The following TSC2 variants were observed in gnomAD, a reference collection of about 807,000 sequenced individuals.
TSC2 encodes tuberin.
TSC2 carries 29 observed loss-of-function variants against 202.2 expected under a neutral mutation model. The ratio of observed to expected loss-of-function variants is 0.14; its 90% CI spans 0.11 to 0.20. The LOEUF (loss-of-function observed/expected upper bound fraction) is 0.20. Ranked by LOEUF, TSC2 falls within the 10% of genes least tolerant of loss-of-function variation. The probability of loss-of-function intolerance (pLI) is 1.00; values close to 1 mark genes in which losing one functional copy is unlikely to be tolerated. For synonymous variants in TSC2, 1,349 were observed against 1,044.0 expected (o/e 1.29, Z -5.63); for missense variants, 2,429 against 2,420.0 (o/e 1.00, Z -0.08).
chr16:2,088,407 G>C, intron 41 of TSC2, 39 bp from the exon 42 acceptor site: 1 of 1,612,506 alleles, frequency 6.2e-7, no homozygotes, highest in South Asian at 1.1e-5. Flanking sequence ...CGGTTGCCAC[G>C]CCTCCCAGAC....
At chr16:2,076,239 T>C in intron 24 of TSC2, 69 bp downstream of exon 24, 4 of 1,604,220 alleles carry the variant, frequency 2.5e-6, no homozygotes, top group Non-Finnish European at 3.4e-6. Flanking sequence ...TGGCTGTCCA[T>C]GGTCGGGCAG....
intron 32 of TSC2, chr16:2,083,396 T>C: frequency 1.8e-6 from 1 of 547,326 alleles, no homozygotes. Context: ...GCGGAGAGCG[T>C]CTTGCCCCTG....
rs201329593 is a variant in TSC2 at position 2,088,350 on chromosome 16, C to T, written c.5259+25C>T. The T allele has an allele frequency of 2.1e-4, 331 of 1,612,366 alleles. No individual in the cohort carries two copies. The highest frequency in any genetic ancestry group is 9.8e-4 in the East Asian group (44 of 44,876). On this transcript the variant is annotated intron_variant, in intron 41 of 41. Transcript: ENST00000219476. ...GGTAGGGAATATGGGGCTCCCTCAG[C>T]GGGGTGTGCTGGCTGCCCAAGCTGT... is the stretch of plus-strand genomic sequence containing the variant.
Position 2,070,428 on chromosome 16 carries a change from C to T in TSC2, c.1717-28C>T, listed in dbSNP as rs45517195. Reference sequence around the variant, plus strand: ...AGGACTGCGTTTTCACCTCCTGCGCCGTGGTGAGCTGCGTCCTCTCTCTGC... The same window carrying T: ...AGGACTGCGTTTTCACCTCCTGCGCTGTGGTGAGCTGCGTCCTCTCTCTGC... On this transcript the variant is annotated intron_variant, in intron 16 of 41. Coordinates refer to ENST00000219476, the MANE Select transcript of TSC2 (RefSeq NM_000548.5). The T allele has an allele frequency of 1.3e-4, 205 of 1,613,264 alleles. No individual in the cohort carries two copies. The highest frequency in any genetic ancestry group is 1.2e-3 in the East Asian group (53 of 44,886).
rs2089586253 is a variant in TSC2, at chr16:2,077,649, G to A, written c.2889G>A (p.Val963=). 1 of 1,613,034 alleles carries A rather than the reference G, an allele frequency of 6.2e-7. No individual in the cohort carries two copies. The highest frequency in any genetic ancestry group is 8.5e-7 in the Non-Finnish European group (1 of 1,180,034). Residue 963 remains valine, a synonymous_variant, in exon 26 of 42, where the codon GTG becomes GTA. Transcript: ENST00000219476. ...PKQGLNNSPP[V]KEFKESSAAE... ...AAGGCTTGAATAACTCTCCACCCGT[G>A]AAAGAATTCAAGGAGAGCTCTGCAG...
intron 30 of TSC2, chr16:2,080,647 C>T: frequency 2.1e-6 from 1 of 465,858 alleles, no homozygotes; most frequent in South Asian, 2.2e-5. Flanking sequence ...CCACGCCTGG[C>T]CAATTTTTTT....
intron 16 of TSC2, 145 bp from the exon 17 acceptor site, chr16:2,070,311 C>T (rs1014771390): frequency 7.2e-7 from 1 of 1,395,744 alleles, no homozygotes; most frequent in Non-Finnish European, 9.9e-7. Flanking sequence ...AGAGAGAGTC[C>T]TGGTGGTCCT....
At chr16:2,072,021 G>A (rs2151311680) in intron 19 of TSC2, 87 bp downstream of exon 19, 1 of 1,494,812 alleles carries the variant, frequency 6.7e-7, no homozygotes, top group Non-Finnish European at 8.9e-7. Context: ...CTCCCTCCCT[G>A]TCTGGCCTGT....
intron 29 of TSC2, 54 bp from the exon 30 acceptor site, chr16:2,080,111 G>C: frequency 6.2e-7 from 1 of 1,605,860 alleles, no homozygotes; most frequent in Non-Finnish European, 8.5e-7. Context: ...GCTTGAGGCT[G>C]GTGGTTTTGC....
chr16:2,083,528 C>T, intron 32 of TSC2, 167 bp from the exon 33 acceptor site: 1 of 1,230,354 alleles, frequency 8.1e-7, no homozygotes, highest in East Asian at 2.5e-5. Context: ...CAGGCCTTCC[C>T]AGCGTCCTCC....
At chr16:2,082,733 C>G in intron 32 of TSC2, 1 of 611,714 alleles carries the variant, frequency 1.6e-6, no homozygotes. Context: ...GCTGTGCGAG[C>G]ACTCCCGGCC....
At position 2,084,954 on chromosome 16, in the gene TSC2, C is replaced by A; in HGVS notation, c.4497C>A (p.Phe1499Leu). 6.2e-7 allele frequency: 1 copy of A among 1,613,314 alleles called. No individual in the cohort carries two copies. The highest frequency in any genetic ancestry group is 8.5e-7 in the Non-Finnish European group (1 of 1,179,968). The change falls in exon 35 of 42, where the codon TTC (phenylalanine) becomes TTA (leucine). Residue 1499 changes from phenylalanine (F) to leucine (L), a missense_variant. Coordinates refer to ENST00000219476, the MANE Select transcript of TSC2 (RefSeq NM_000548.5). ...AEKVPGINPSFVFLQLYHSPF... is the reference protein window; with the variant it reads ...AEKVPGINPSLVFLQLYHSPF... ...CCACCATCCCCTCCCTGTGCAGTTT[C>A]GTGTTCCTGCAGCTCTACCATTCCC... is the stretch of plus-strand genomic sequence containing the variant.
rs910068556 is a variant in TSC2, at chr16:2,070,513, A to G, written c.1774A>G (p.Ser592Gly). The G allele has an allele frequency of 5.6e-6, 9 of 1,613,278 alleles. No individual in the cohort carries two copies. The highest frequency in any genetic ancestry group is 6.8e-6 in the Non-Finnish European group (8 of 1,180,040). Residue 592 changes from serine (S) to glycine (G), a missense_variant, in exon 17 of 42, where the codon AGC becomes GGC. Transcript: ENST00000219476. ...CACGCGTGTGTATGAGATGCTGGTC[A>G]GCCACATTCAGCTCCACTACAAGCA... is the stretch of plus-strand genomic sequence containing the variant. ...HATRVYEMLV[S>G]HIQLHYKHSY...
chr16:2,088,890 C>CCG lies in TSC2; in HGVS notation c.*280_*281insCG. On this transcript the variant is annotated 3_prime_UTR_variant, in exon 42 of 42. Transcript: ENST00000219476. Reference sequence around the variant, plus strand: ...TCGCGCGTGCGCGCGCGCACACACACACACACACAGTCACCTTCCTCCACC... The same window carrying CCG: ...TCGCGCGTGCGCGCGCGCACACACACCGACACACACAGTCACCTTCCTCCACC... The CCG allele has an allele frequency of 6.6e-6, 3 of 454,012 alleles. No individual in the cohort carries two copies. The highest frequency in any genetic ancestry group is 2.3e-5 in the South Asian group (1 of 43,688). The allele number at this position is 454,012 out of a possible 1,614,324, so 28.1% of individuals were successfully genotyped here.
At chr16:2,084,028 T>A (rs2090457191) in intron 33 of TSC2, among the ~76,000 whole-genome samples, 200 bp from the exon 34 acceptor site, 2 of 152,232 alleles carry the variant, frequency 1.3e-5, no homozygotes, top group South Asian at 4.1e-4. Flanking sequence ...CAGGGGATGC[T>A]GATACCTCTG....
At chr16:2,081,233 A>G (rs936911324) in intron 30 of TSC2, 23 of 375,236 alleles carry the variant, frequency 6.1e-5, no homozygotes, top group South Asian at 5.1e-4. Context: ...CCCAGAGCCC[A>G]GGGACAGAGG....
At chr16:2,073,122 G>A (rs2088734058) in intron 21 of TSC2, 139 bp downstream of exon 21, 1 of 1,364,220 alleles carries the variant, frequency 7.3e-7, no homozygotes, top group Admixed American at 2.0e-5. Context: ...TCCCTGGGTG[G>A]CTGCCAGATG....
At chr16:2,082,070 G>A (rs2090211360) in intron 31 of TSC2, 7 of 602,198 alleles carry the variant, frequency 1.2e-5, no homozygotes, top group South Asian at 7.8e-5. Flanking sequence ...CCAGCACTGC[G>A]GGCTCCAGGA....
rs1380835459 is a variant in TSC2 at position 2,072,321 on chromosome 16, C to T, written c.2178C>T (p.Ser726=). The part of the protein sequence containing the change: ...SLRYKVLIFT[S]PCSVDQLCSA... ...GCTATAAAGTGCTCATCTTTACTTCCCCTTGCAGTGTGGACCAGCTGTGCT... is the reference window on the plus strand; with the variant it reads ...GCTATAAAGTGCTCATCTTTACTTCTCCTTGCAGTGTGGACCAGCTGTGCT... Residue 726 remains serine (S), a synonymous_variant, in exon 20 of 42, where the codon TCC becomes TCT. Transcript: ENST00000219476. 3.1e-6 allele frequency: 5 copies of T among 1,614,180 alleles called. No homozygotes were observed. Among genetic ancestry groups the T allele is most frequent in the Non-Finnish European group, 4.2e-6 (5 of 1,180,044 alleles).
Sources: gnomAD v4.1 joint callset for allele counts (sites outside exome capture counted in the v4.1 genomes callset) on GRCh38, gnomAD v4.1.1 for gene constraint, MANE v1.5 for transcripts, NCBI Gene and HGNC (gene_info 2026-07-23, HGNC 2026-07-21) for gene names.